The following ZNF148 variants were observed in gnomAD, a reference collection of about 807,000 sequenced individuals.
ZNF148 encodes the protein zinc finger protein 148, also known as Beta-Enolase Repressor Factor-1.
ZNF148 carries 7 observed loss-of-function variants against 67.7 expected under a neutral mutation model. That is an observed-to-expected ratio of 0.10 (90% CI 0.06 to 0.19). The LOEUF (loss-of-function observed/expected upper bound fraction) is 0.19, where lower values mean the gene tolerates loss of function less well. ZNF148 is among the 10% of genes least tolerant of loss of function. The probability of loss-of-function intolerance (pLI) is 1.00; values close to 1 mark genes in which losing one functional copy is unlikely to be tolerated. For synonymous variants in ZNF148, 333 were observed against 330.7 expected (o/e 1.01, Z -0.08); for missense variants, 583 against 947.1 (o/e 0.62, Z 5.05).
At chr3:125,258,215 G>A (rs1360179047) in intron 7 of ZNF148, among the ~76,000 whole-genome samples, 1 of 151,910 alleles carries the variant, frequency 6.6e-6, no homozygotes, top group African/African-American at 2.4e-5. Context: ...GAGGTCAGGA[G>A]ATCGAAACCA....
chr3:125,280,234 A>T (rs1453894357), intron 5 of ZNF148, among the ~76,000 whole-genome samples: 1 of 152,160 alleles, frequency 6.6e-6, no homozygotes, highest in Non-Finnish European at 1.5e-5. Flanking sequence ...AGAAGTGGGT[A>T]AAAAGAAGGA....
chr3:125,231,680 G>GA lies in ZNF148; in HGVS notation c.*660dup, dbSNP rs1935859854. ...AGTTGTGTGTTTTGGTAAAAGTTCT[G>GA]AAAGTATGCATATTTTTAAAGTAAT... On this transcript the variant is annotated 3_prime_UTR_variant, in exon 9 of 9. Transcript: ENST00000360647. 6.6e-6 allele frequency: 1 copy of GA among 152,528 alleles called. No individual in the cohort carries two copies. The highest frequency in any genetic ancestry group is 2.1e-4 in the South Asian group (1 of 4,836). The allele number at this position is 152,528 out of a possible 1,614,324, so 9.4% of individuals were successfully genotyped here.
chr3:125,295,344 T>C (rs1038881416), intron 4 of ZNF148, among the ~76,000 whole-genome samples: 1 of 151,974 alleles, frequency 6.6e-6, no homozygotes, highest in African/African-American at 2.4e-5. Flanking sequence ...TCCCAGCTAC[T>C]TGGGAGGCTG....
intron 4 of ZNF148, 79 bp downstream of exon 4, chr3:125,313,229 A>G: frequency 2.5e-6 from 3 of 1,199,984 alleles, no homozygotes; most frequent in Non-Finnish European, 3.5e-6. Context: ...CATTTTCTGA[A>G]ATTTCTTCGA....
intron 1 of ZNF148, among the ~76,000 whole-genome samples, chr3:125,348,663 T>C (rs991710674): frequency 2.0e-5 from 3 of 152,158 alleles, no homozygotes; most frequent in Non-Finnish European, 4.4e-5. Flanking sequence ...AATGTTAAAA[T>C]GTCCATACTA....
intron 1 of ZNF148, among the ~76,000 whole-genome samples, chr3:125,334,376 A>G (rs1941407897): frequency 2.0e-5 from 3 of 152,208 alleles, no homozygotes; most frequent in African/African-American, 7.2e-5. Context: ...AAGCACATAC[A>G]GAGTAAATGT....
intron 1 of ZNF148, among the ~76,000 whole-genome samples, chr3:125,341,392 G>A (rs1234280362): frequency 1.3e-5 from 2 of 151,178 alleles, no homozygotes. Context: ...GATGAAGCAG[G>A]AGGATCACTT....
At chr3:125,241,216 C>G (rs1322111512) in intron 7 of ZNF148, among the ~76,000 whole-genome samples, 1 of 151,874 alleles carries the variant, frequency 6.6e-6, no homozygotes, top group East Asian at 1.9e-4. Flanking sequence ...AAAGAGTATA[C>G]AGGAAAATGT....
At chr3:125,239,752 G>A (rs1258355439) in intron 7 of ZNF148, among the ~76,000 whole-genome samples, 3 of 152,034 alleles carry the variant, frequency 2.0e-5, no homozygotes, top group Non-Finnish European at 1.5e-5. Context: ...AAGAGGAAAC[G>A]GCCCAAATGT....
chr3:125,264,490 AT>A (rs1937482819), intron 7 of ZNF148, among the ~76,000 whole-genome samples: 1 of 152,190 alleles, frequency 6.6e-6, no homozygotes. Context: ...GATCATAGTA[AT>A]TGGTACCATC....
Position 125,228,599 on chromosome 3 carries a change from A to G in ZNF148, c.*3742T>C, listed in dbSNP as rs897653537. On this transcript the variant is annotated 3_prime_UTR_variant, in exon 9 of 9. Coordinates refer to ENST00000360647, the MANE Select transcript of ZNF148 (RefSeq NM_021964.3). ...AAGCAGTACTGTGATTTGTTTGTAC[A>G]TATTTACAGATTCTTAAAAACAAGC... The G allele has an allele frequency of 6.6e-6, 1 of 152,644 alleles. No homozygotes were observed. Among genetic ancestry groups the G allele is most frequent in the African/African-American group, 2.4e-5 (1 of 41,460 alleles). The allele number at this position is 152,644 out of a possible 1,614,324, so 9.5% of individuals were successfully genotyped here.
At chr3:125,317,679 A>AGAGAGAGAGAGAGAGAGAGAGAG (rs61407940) in intron 3 of ZNF148, among the ~76,000 whole-genome samples, 16 of 114,812 alleles carry the variant, frequency 1.4e-4, no homozygotes, top group Middle Eastern at 4.6e-3. Flanking sequence ...AGAGAGAGAG[A>AGAGAGAGAGAGAGAGAGAGAGAG]AATACATATA....
At chr3:125,258,140 C>T (rs1287509941) in intron 7 of ZNF148, among the ~76,000 whole-genome samples, 1 of 151,808 alleles carries the variant, frequency 6.6e-6, no homozygotes. Context: ...TAGCATCTTC[C>T]AGCTGGGTGC....
chr3:125,272,658 T>A (rs144110858), intron 7 of ZNF148, among the ~76,000 whole-genome samples: 160 of 152,284 alleles, frequency 1.1e-3, no homozygotes, highest in African/African-American at 3.6e-3. Context: ...ATACTTTAAT[T>A]ATATACATAT....
At chr3:125,240,595 T>C (rs1051878685) in intron 7 of ZNF148, among the ~76,000 whole-genome samples, 7 of 151,804 alleles carry the variant, frequency 4.6e-5, no homozygotes, top group African/African-American at 1.7e-4. Context: ...GGACCCTGTA[T>C]CTACAAAAAA....
At chr3:125,249,920 G>A (rs1936766380) in intron 7 of ZNF148, among the ~76,000 whole-genome samples, 1 of 152,110 alleles carries the variant, frequency 6.6e-6, no homozygotes, top group South Asian at 2.1e-4. Flanking sequence ...AAATAAGCCA[G>A]ACACAGAGAG....
chr3:125,310,619 T>C (rs903803997), intron 4 of ZNF148, among the ~76,000 whole-genome samples: 1 of 151,256 alleles, frequency 6.6e-6, no homozygotes, highest in Non-Finnish European at 1.5e-5. Flanking sequence ...AGAGCAGAAA[T>C]AAATGAAACT....
Position 125,232,665 on chromosome 3 carries a change from A to G in ZNF148, c.2061T>C (p.Phe687=), listed in dbSNP as rs1235650717. The G allele has an allele frequency of 1.2e-6, 2 of 1,613,742 alleles. No individual in the cohort carries two copies. Among genetic ancestry groups the G allele is most frequent in the African/African-American group, 2.7e-5 (2 of 74,886 alleles). ...GLIVGDSQHS[F]PFSGDETNHA... is the part of the protein sequence containing the mutation. ...GGTTTGTCTCATCACCTGAAAAGGG[A>G]AATGAGTGCTGTGAATCACCAACTA... Residue 687 remains phenylalanine (F), a synonymous_variant, in exon 9 of 9, where the codon TTT becomes TTC. Coordinates refer to ENST00000360647, the MANE Select transcript of ZNF148 (RefSeq NM_021964.3). This position sits in a 1 kb window ranked among gnomAD's most constrained non-coding sequence, Gnocchi z 4.2.
intron 1 of ZNF148, among the ~76,000 whole-genome samples, chr3:125,362,064 A>G (rs192303447): frequency 1.1e-3 from 161 of 152,262 alleles, no homozygotes; most frequent in Non-Finnish European, 1.8e-3. Context: ...GTGATAGACA[A>G]TCCTCACCAT....
Sources: gnomAD v4.1 joint callset for allele counts (sites outside exome capture counted in the v4.1 genomes callset) on GRCh38, gnomAD v4.1.1 for gene constraint, Gnocchi (gnomAD v3.1) non-coding constraint, MANE v1.5 for transcripts, NCBI Gene and HGNC (gene_info 2026-07-23, HGNC 2026-07-21) for gene names.